Variants in LAMA3 observed in about 807,000 individuals in gnomAD.
The protein encoded by LAMA3 is laminin subunit alpha 3, also known as laminin subunit alpha-3.
Under a neutral mutation model 402.0 loss-of-function variants are expected in LAMA3, and 281 were observed. The observed-to-expected ratio is 0.70, with a 90% confidence interval of 0.63 to 0.77. The LOEUF (loss-of-function observed/expected upper bound fraction) is 0.77. Among genes scored for constraint, LAMA3 ranks in the 30% least tolerant of loss-of-function variants. LAMA3 has a pLI of 0.00. For missense variants in LAMA3, 3,840 were observed against 4,215.5 expected (o/e 0.91, Z 2.47); for synonymous variants, 1,431 against 1,558.4 (o/e 0.92, Z 1.93).
chr18:23,851,341 G>A (rs1413541635), intron 32 of LAMA3, among the ~76,000 whole-genome samples: 2 of 152,144 alleles, frequency 1.3e-5, no homozygotes, highest in East Asian at 1.9e-4. Context: ...ATGCTTCTCT[G>A]GCCATTTCAC....
At chr18:23,692,517 C>G (rs960030657) in intron 1 of LAMA3, among the ~76,000 whole-genome samples, 1 of 152,186 alleles carries the variant, frequency 6.6e-6, no homozygotes, top group African/African-American at 2.4e-5. Context: ...GATGATCCAC[C>G]CACCTTGGCC....
chr18:23,841,162 A>G (rs1245139647), intron 27 of LAMA3, among the ~76,000 whole-genome samples: 1 of 152,224 alleles, frequency 6.6e-6, no homozygotes, highest in East Asian at 1.9e-4. Flanking sequence ...TGAAATCAAG[A>G]TGACAAGAGT....
At chr18:23,887,873 A>G (rs537908648) in intron 41 of LAMA3, among the ~76,000 whole-genome samples, 3 of 152,260 alleles carry the variant, frequency 2.0e-5, no homozygotes, top group Non-Finnish European at 4.4e-5. Flanking sequence ...TCGTGAAATC[A>G]GGAGGTTTTA....
rs1360522301 is a variant in LAMA3 at position 23,904,536 on chromosome 18, C to G, written c.6474-17C>G. 6.3e-7 allele frequency: 1 copy of G among 1,579,440 alleles called. No individual in the cohort carries two copies. Among genetic ancestry groups the G allele is most frequent in the Non-Finnish European group, 8.6e-7 (1 of 1,162,636 alleles). On this transcript the variant is annotated splice_polypyrimidine_tract_variant and intron_variant, in intron 50 of 74. Coordinates refer to ENST00000313654, the MANE Select transcript of LAMA3 (RefSeq NM_198129.4). ...GAGGAAGGCTGTGGGGAGTGGCTAA[C>G]CTGCCCTGTCTTCCAGGATCAAGAG...
In LAMA3 at chr18:23,690,289, C is replaced by T. The variant is rs1242093912; in HGVS notation, c.294+312C>T. On this transcript the variant is annotated intron_variant, in intron 1 of 74. Coordinates refer to ENST00000313654, the MANE Select transcript of LAMA3 (RefSeq NM_198129.4). ...GAGATGCAGGCGCCTCGGCCCTTCC[C>T]GCCTCCGTCACCCACGGAGCGTCCC... 2.0e-5 allele frequency among the ~76,000 whole-genome samples: 3 copies of T among 152,216 alleles called. No homozygotes were observed. The South Asian group carries it at 6.2e-4, about 32-fold the overall frequency.
chr18:23,934,588 A>G (rs564863100), intron 67 of LAMA3, among the ~76,000 whole-genome samples: 7 of 152,342 alleles, frequency 4.6e-5, no homozygotes, highest in South Asian at 2.1e-4. Context: ...AAGGTCAACA[A>G]TGTAACTTTC....
intron 2 of LAMA3, among the ~76,000 whole-genome samples, chr18:23,721,971 C>G (rs2061221904): frequency 6.6e-6 from 1 of 152,150 alleles, no homozygotes; most frequent in Non-Finnish European, 1.5e-5. Flanking sequence ...TGTTGTTCTC[C>G]CTGATTAGTA....
chr18:23,953,673 A>C (rs1359908187), intron 74 of LAMA3, among the ~76,000 whole-genome samples: 1 of 152,104 alleles, frequency 6.6e-6, no homozygotes, highest in Non-Finnish European at 1.5e-5. Flanking sequence ...CTTTCTTAAG[A>C]GGTTGCATTA....
At chr18:23,691,043 A>C (rs1276619731) in intron 1 of LAMA3, among the ~76,000 whole-genome samples, 1 of 151,976 alleles carries the variant, frequency 6.6e-6, no homozygotes, top group African/African-American at 2.4e-5. Context: ...CCTGACTTCA[A>C]ATCCTGGACA....
At chr18:23,800,146 A>G (rs2062841758) in intron 12 of LAMA3, among the ~76,000 whole-genome samples, 5 of 152,368 alleles carry the variant, frequency 3.3e-5, no homozygotes, top group Admixed American at 3.3e-4. Flanking sequence ...TGGCACTCAT[A>G]TACATTTCTT....
chr18:23,739,253 A>G (rs2061525667), intron 2 of LAMA3, among the ~76,000 whole-genome samples: 1 of 152,198 alleles, frequency 6.6e-6, no homozygotes, highest in Non-Finnish European at 1.5e-5. Context: ...ACAACTACCA[A>G]ATTAAGGGAT....
intron 24 of LAMA3, chr18:23,834,290 T>C (rs774107850): frequency 2.6e-5 from 10 of 381,342 alleles, no homozygotes; most frequent in African/African-American, 4.2e-5. Flanking sequence ...TCAGGTGCGA[T>C]GCAATGAACT....
chr18:23,753,559 G>A (rs2061789177), intron 5 of LAMA3, among the ~76,000 whole-genome samples, 162 bp from the exon 6 acceptor site: 1 of 151,982 alleles, frequency 6.6e-6, no homozygotes, highest in Admixed American at 6.6e-5. Flanking sequence ...TTTTATTGAG[G>A]AATGTGTTTA....
At chr18:23,735,008 A>G (rs1486442761) in intron 2 of LAMA3, among the ~76,000 whole-genome samples, 9 of 152,258 alleles carry the variant, frequency 5.9e-5, no homozygotes, top group Admixed American at 5.9e-4. Flanking sequence ...TTTCTTTACC[A>G]GTGAGGCGGT....
At chr18:23,938,056 TTCCTCTTGG>T (rs2082365529) in intron 67 of LAMA3, among the ~76,000 whole-genome samples, 1 of 152,164 alleles carries the variant, frequency 6.6e-6, no homozygotes, top group South Asian at 2.1e-4. Flanking sequence ...TTGGCTCTGC[TTCCTCTTGG>T]TCCTCTTGGC....
intron 30 of LAMA3, among the ~76,000 whole-genome samples, chr18:23,845,458 A>G (rs969934240): frequency 6.6e-6 from 1 of 152,190 alleles, no homozygotes; most frequent in African/African-American, 2.4e-5. Flanking sequence ...CATACCACAC[A>G]GGGTACCCTC....
chr18:23,810,456 G>C lies in LAMA3; in HGVS notation c.1694G>C (p.Arg565Pro), dbSNP rs373414001. The change falls in exon 13 of 75, where the codon CGG becomes CCG. Residue 565 changes from arginine to proline, a missense_variant. Physicochemically the swap from Arg to Pro is moderately radical, Grantham distance 103. This residue lies in a region of LAMA3 where 2,109 missense variants were observed against 2,376.0 expected (regional missense o/e 0.89). Coordinates refer to ENST00000313654, the MANE Select transcript of LAMA3 (RefSeq NM_198129.4). The stretch of plus-strand genomic sequence containing the variant: ...TGTCGGCCAGGAGTTACAGGACAGC[G>C]GTGTGACAGGTGTCTCTCAGGAGCT... ...CECRPGVTGQ[R>P]CDRCLSGAYD... 65 of 1,613,962 alleles carry C rather than the reference G, an allele frequency of 4.0e-5. No individual in the cohort carries two copies. Among genetic ancestry groups the C allele is most frequent in the Middle Eastern group, 1.6e-4 (1 of 6,084 alleles).
At chr18:23,931,400 TA>T (rs1414764593) in intron 65 of LAMA3, 199 bp downstream of exon 65, 1 of 582,040 alleles carries the variant, frequency 1.7e-6, no homozygotes, top group African/African-American at 1.9e-5. Flanking sequence ...CTCATGTCTG[TA>T]ATCCCAACAA....
intron 41 of LAMA3, among the ~76,000 whole-genome samples, chr18:23,885,552 A>G (rs2065047662): frequency 2.0e-5 from 3 of 152,084 alleles, no homozygotes; most frequent in Admixed American, 2.0e-4. Flanking sequence ...ACCAAGCTTT[A>G]GTTATTCATG....
Sources: gnomAD v4.1 joint callset for allele counts (sites outside exome capture counted in the v4.1 genomes callset) on GRCh38, gnomAD v4.1.1 for gene constraint, gnomAD v4.1.1 regional missense constraint, MANE v1.5 for transcripts, NCBI Gene and HGNC (gene_info 2026-07-23, HGNC 2026-07-21) for gene names.